Variants in NUDCD3 observed in about 807,000 individuals in gnomAD.
NUDCD3 encodes NudC domain containing 3.
NUDCD3 carries 13 observed loss-of-function variants against 39.7 expected under a neutral mutation model. The observed-to-expected ratio is 0.33, with a 90% CI of 0.21 to 0.52. The LOEUF (loss-of-function observed/expected upper bound fraction) is 0.52. NUDCD3 is among the 20% of genes least tolerant of loss of function. The probability of loss-of-function intolerance (pLI) is 0.96; values close to 1 mark genes in which losing one functional copy is unlikely to be tolerated. For synonymous variants in NUDCD3, 175 were observed against 172.4 expected (o/e 1.02, Z -0.12); for missense variants, 453 against 458.1 (o/e 0.99, Z 0.10).
chr7:44,435,042 G>A, intron 2 of NUDCD3, among the ~76,000 whole-genome samples: 1 of 152,182 alleles, frequency 6.6e-6, no homozygotes, highest in East Asian at 1.9e-4. Flanking sequence ...TGAACCCTCT[G>A]AGACATTTGG....
intron 2 of NUDCD3, among the ~76,000 whole-genome samples, chr7:44,460,758 G>A (rs780835584): frequency 6.6e-6 from 1 of 152,146 alleles, no homozygotes; most frequent in Non-Finnish European, 1.5e-5. Context: ...GGGAAAGAAA[G>A]AGAAAACAAA....
At chr7:44,483,489 AT>A (rs1036252507) in intron 2 of NUDCD3, among the ~76,000 whole-genome samples, 1 of 152,178 alleles carries the variant, frequency 6.6e-6, no homozygotes, top group Non-Finnish European at 1.5e-5. Context: ...GAAATATCAG[AT>A]GTCTGCCTTC....
At chr7:44,397,538 T>G (rs1798646666) in intron 4 of NUDCD3, among the ~76,000 whole-genome samples, 1 of 152,188 alleles carries the variant, frequency 6.6e-6, no homozygotes, top group Admixed American at 6.5e-5. Flanking sequence ...CATCATGGTT[T>G]TGCCTTGCAT....
At chr7:44,439,066 T>C (rs1467700865) in intron 2 of NUDCD3, among the ~76,000 whole-genome samples, 1 of 151,884 alleles carries the variant, frequency 6.6e-6, no homozygotes, top group Non-Finnish European at 1.5e-5. Context: ...GATGACTAAC[T>C]CAAAAACATA....
chr7:44,438,182 A>AC lies in NUDCD3; in HGVS notation c.510-10480dup, dbSNP rs879295778. ...ATCAGCCTAAGCAACATAGTGAGAG[A>AC]CCCCCCCATCTCTTAAAAAAAAATT... is the stretch of plus-strand genomic sequence containing the variant. On this transcript the variant is annotated intron_variant, in intron 2 of 5. Transcript: ENST00000355451. Among the ~76,000 whole-genome samples, 100 of 151,604 alleles carry AC rather than the reference A, an allele frequency of 6.6e-4. 1 individual carries two copies. The highest frequency in any genetic ancestry group is 9.9e-4 in the African/African-American group (41 of 41,310).
chr7:44,483,626 C>T (rs1393723286), intron 2 of NUDCD3, among the ~76,000 whole-genome samples: 3 of 152,130 alleles, frequency 2.0e-5, no homozygotes, highest in Non-Finnish European at 4.4e-5. Context: ...TTGTTTTCTT[C>T]GAACTCCATT....
chr7:44,468,562 T>G (rs1800182691), intron 2 of NUDCD3, among the ~76,000 whole-genome samples: 1 of 152,078 alleles, frequency 6.6e-6, no homozygotes, highest in South Asian at 2.1e-4. Context: ...ATGTAACAGT[T>G]TCAGAGATTA....
At chr7:44,481,856 T>C (rs1800498392) in intron 2 of NUDCD3, among the ~76,000 whole-genome samples, 1 of 152,182 alleles carries the variant, frequency 6.6e-6, no homozygotes, top group African/African-American at 2.4e-5. Context: ...CTGGAATTAG[T>C]GCCCTCATAA....
chr7:44,427,130 T>C (rs2240100), intron 3 of NUDCD3, among the ~76,000 whole-genome samples: 1 of 151,984 alleles, frequency 6.6e-6, no homozygotes, highest in Non-Finnish European at 1.5e-5. Context: ...GTGCGTTTAG[T>C]AGACTGGACT....
chr7:44,486,544 CT>C (rs1800614336), intron 1 of NUDCD3, among the ~76,000 whole-genome samples: 1 of 152,036 alleles, frequency 6.6e-6, no homozygotes, highest in African/African-American at 2.4e-5. Context: ...CAATAAAATC[CT>C]AAAAGGTTAA....
intron 2 of NUDCD3, among the ~76,000 whole-genome samples, chr7:44,464,750 G>A (rs866240559): frequency 2.6e-5 from 4 of 152,170 alleles, no homozygotes; most frequent in African/African-American, 7.2e-5. Context: ...CACCATGCCC[G>A]GCCCACCAAA....
At chr7:44,486,804 T>G (rs1800620827) in intron 1 of NUDCD3, among the ~76,000 whole-genome samples, 1 of 152,168 alleles carries the variant, frequency 6.6e-6, no homozygotes. Flanking sequence ...CTCTGCTCAC[T>G]CAGTACATCC....
At chr7:44,452,900 G>A (rs1799820502) in intron 2 of NUDCD3, among the ~76,000 whole-genome samples, 1 of 152,172 alleles carries the variant, frequency 6.6e-6, no homozygotes, top group African/African-American at 2.4e-5. Flanking sequence ...TTTGCACATT[G>A]ACTTCCTCCA....
intron 2 of NUDCD3, among the ~76,000 whole-genome samples, chr7:44,446,240 T>C (rs921620751): frequency 2.6e-5 from 4 of 152,164 alleles, no homozygotes; most frequent in African/African-American, 9.7e-5. Context: ...CTTGTGACCA[T>C]CTTAGGGTCT....
intron 2 of NUDCD3, among the ~76,000 whole-genome samples, chr7:44,476,227 C>T (rs1182665906): frequency 6.6e-6 from 1 of 152,232 alleles, no homozygotes. Flanking sequence ...AGGCCTGAAG[C>T]ACAGGCACCT....
intron 2 of NUDCD3, among the ~76,000 whole-genome samples, chr7:44,478,945 T>C (rs530358078): frequency 7.4e-4 from 113 of 152,066 alleles, no homozygotes; most frequent in African/African-American, 2.6e-3. Context: ...AGAAAAGAGG[T>C]TTAATTGACT....
intron 3 of NUDCD3, among the ~76,000 whole-genome samples, chr7:44,405,770 G>T (rs1057310431): frequency 2.0e-5 from 3 of 152,140 alleles, no homozygotes; most frequent in Non-Finnish European, 4.4e-5. Flanking sequence ...TGGGAGAAAT[G>T]ATGTGCAGGA....
intron 2 of NUDCD3, among the ~76,000 whole-genome samples, chr7:44,454,931 C>A (rs1188129592): frequency 6.7e-6 from 1 of 149,692 alleles, no homozygotes; most frequent in Non-Finnish European, 1.5e-5. Context: ...AGGACCCTGT[C>A]TCAAAACACA....
intron 2 of NUDCD3, among the ~76,000 whole-genome samples, chr7:44,455,826 A>C (rs2116941537): frequency 6.6e-6 from 1 of 151,988 alleles, no homozygotes; most frequent in Admixed American, 6.5e-5. Context: ...GGAGATCGAG[A>C]CCATCCCGGC....
Sources: gnomAD v4.1 joint callset for allele counts (sites outside exome capture counted in the v4.1 genomes callset) on GRCh38, gnomAD v4.1.1 for gene constraint, MANE v1.5 for transcripts, NCBI Gene and HGNC (gene_info 2026-07-23, HGNC 2026-07-21) for gene names.